The following CPNE9 variants were observed in gnomAD, a reference collection of about 807,000 sequenced individuals.
The protein encoded by CPNE9 is copine family member 9.
A neutral mutation model predicts 83.0 loss-of-function variants in CPNE9; 59 were observed. The ratio of observed to expected loss-of-function variants is 0.71; its 90% CI spans 0.58 to 0.88. The LOEUF is 0.88. Among genes scored for constraint, CPNE9 ranks in the 40% least tolerant of loss-of-function variants. The pLI, the probability that CPNE9 is intolerant of heterozygous loss-of-function variation, is 0.00. For synonymous variants in CPNE9, 256 were observed against 273.4 expected (o/e 0.94, Z 0.63); for missense variants, 619 against 720.8 (o/e 0.86, Z 1.62).
intron 17 of CPNE9, among the ~76,000 whole-genome samples, chr3:9,725,569 G>T (rs1379816399): frequency 2.7e-5 from 4 of 145,862 alleles, no homozygotes; most frequent in Middle Eastern, 3.6e-3. Context: ...TGTGTGTATG[G>T]ATATATATAT....
intron 19 of CPNE9, 135 bp downstream of exon 19, chr3:9,726,857 C>T: frequency 2.4e-6 from 2 of 826,206 alleles, no homozygotes; most frequent in Admixed American, 4.5e-5. Flanking sequence ...AGTCACAGAC[C>T]TTCTCTGAAC....
intron 7 of CPNE9, among the ~76,000 whole-genome samples, chr3:9,707,407 A>C (rs1296528023): frequency 6.6e-6 from 1 of 151,432 alleles, no homozygotes; most frequent in Non-Finnish European, 1.5e-5. Flanking sequence ...AGGTAGAAGC[A>C]GAGAGCCAAT....
chr3:9,724,475 C>G (rs943400779), intron 17 of CPNE9, among the ~76,000 whole-genome samples: 1 of 152,192 alleles, frequency 6.6e-6, no homozygotes, highest in African/African-American at 2.4e-5. Context: ...ACATCAAAAT[C>G]TTGCCAGGGG....
chr3:9,705,797 C>A, intron 6 of CPNE9, 77 bp downstream of exon 6: 1 of 1,511,866 alleles, frequency 6.6e-7, no homozygotes, highest in Non-Finnish European at 9.1e-7. Flanking sequence ...TGATGACCCA[C>A]TACAAGGCAG....
chr3:9,715,872 C>T, intron 13 of CPNE9, 102 bp from the exon 14 acceptor site: 3 of 958,096 alleles, frequency 3.1e-6, no homozygotes, highest in Admixed American at 2.1e-5. Flanking sequence ...AATCATGTGC[C>T]TCCCATCACG....
Position 9,729,752 on chromosome 3 carries a change from T to C in CPNE9, c.*60T>C, listed in dbSNP as rs1181734582. The C allele has an allele frequency of 7.8e-6, 12 of 1,535,138 alleles. No individual in the cohort carries two copies. The highest frequency in any genetic ancestry group is 1.4e-5 in the African/African-American group (1 of 73,488). On this transcript the variant is annotated 3_prime_UTR_variant, in exon 21 of 21. Coordinates refer to ENST00000383832, the MANE Select transcript of CPNE9 (RefSeq NM_153635.3). ...GCCTGCTCACCCACTGCTTCTGCTTTAAGCCAGAGGCACCTGGAACCCTGG... is the reference window on the plus strand; with the variant it reads ...GCCTGCTCACCCACTGCTTCTGCTTCAAGCCAGAGGCACCTGGAACCCTGG...
At chr3:9,725,449 C>T (rs1034710201) in intron 17 of CPNE9, among the ~76,000 whole-genome samples, 10 of 151,938 alleles carry the variant, frequency 6.6e-5, no homozygotes, top group African/African-American at 2.4e-4. Context: ...GCAGGAGGAT[C>T]ACCTGAGCCC....
At chr3:9,710,472 G>C (rs1442290403) in intron 7 of CPNE9, among the ~76,000 whole-genome samples, 2 of 152,212 alleles carry the variant, frequency 1.3e-5, no homozygotes, top group East Asian at 3.8e-4. Context: ...GAGGATGGGG[G>C]AGGAGGCTTT....
chr3:9,715,621 T>G lies in CPNE9; in HGVS notation c.822+95T>G. ...AAATATCGAGGGCAGGGCAAGACAG[T>G]GGGCACAGATTACTTGGAATAGTAA... On this transcript the variant is annotated intron_variant, in intron 13 of 20. Coordinates refer to ENST00000383832, the MANE Select transcript of CPNE9 (RefSeq NM_153635.3). 4 of 1,036,892 alleles carry G rather than the reference T, an allele frequency of 3.9e-6. No individual in the cohort carries two copies. The South Asian group carries it at 5.1e-5, about 13-fold the overall frequency. The allele number at this position is 1,036,892 out of a possible 1,614,324, so 64.2% of individuals were successfully genotyped here. A position where few individuals can be genotyped will look rare whatever the true frequency, so the allele number is the denominator to read the frequency against.
chr3:9,705,751 G>A (rs1196026809), intron 6 of CPNE9, 31 bp downstream of exon 6: 20 of 1,608,932 alleles, frequency 1.2e-5, no homozygotes, highest in East Asian at 4.5e-5. Flanking sequence ...GCAGAGGTTG[G>A]GGGTGGGGGT....
chr3:9,705,803 G>A lies in CPNE9; in HGVS notation c.300+83G>A. 2.7e-6 allele frequency: 4 copies of A among 1,490,912 alleles called. No homozygotes were observed. The South Asian group carries it at 3.5e-5, about 13-fold the overall frequency. The allele number at this position is 1,490,912 out of a possible 1,614,324, so 92.4% of individuals were successfully genotyped here. ...GGCTTGGACTGATGACCCACTACAA[G>A]GCAGAGATTGCTCGCAGACCCCTTC... On this transcript the variant is annotated intron_variant, in intron 6 of 20. Transcript: ENST00000383832.
chr3:9,716,681 A>G (rs1352832754), intron 14 of CPNE9, among the ~76,000 whole-genome samples: 1 of 152,206 alleles, frequency 6.6e-6, no homozygotes, highest in Non-Finnish European at 1.5e-5. Context: ...CATGTTGGTC[A>G]GGCTGGTCTC....
Position 9,704,603 on chromosome 3 carries a change from G to A in CPNE9, c.85G>A (p.Asp29Asn), listed in dbSNP as rs1319184183. The A allele has an allele frequency of 6.2e-7, 1 of 1,613,934 alleles. No individual in the cohort carries two copies. Among genetic ancestry groups the A allele is most frequent in the Non-Finnish European group, 8.5e-7 (1 of 1,179,918 alleles). ...TTTCTCTAGGAACCTGCTAGACCTT[G>A]ATACCTTCTCCAAGTCCGACCCCAG... Reference protein sequence around the residue: ...TVSCRNLLDLDTFSKSDPMVV... With the variant: ...TVSCRNLLDLNTFSKSDPMVV... Residue 29 changes from aspartate to asparagine, a missense_variant, in exon 2 of 21, where the codon GAT becomes AAT. Transcript: ENST00000383832. This position sits in a 1 kb window ranked among gnomAD's most constrained non-coding sequence, Gnocchi z 7.1.
At chr3:9,712,488 A>G in intron 7 of CPNE9, 53 bp from the exon 8 acceptor site, 1 of 1,492,592 alleles carries the variant, frequency 6.7e-7, no homozygotes, top group Admixed American at 1.7e-5. Flanking sequence ...TGGCCACTCA[A>G]TCCTTGTTGC....
Position 9,726,040 on chromosome 3 carries a change from G to A in CPNE9, c.1333G>A (p.Ala445Thr). The A allele has an allele frequency of 6.2e-7, 1 of 1,601,196 alleles. No individual in the cohort carries two copies. The stretch of plus-strand genomic sequence containing the variant: ...CTCTGACATGACGCAGACCAAGGAG[G>A]CCATCGTCAGCGTGAGTCTGAGGAG... ...VISDMTQTKE[A>T]IVSASSLPMS... is the part of the protein sequence containing the mutation. The change falls in exon 18 of 21, where the codon GCC becomes ACC. Residue 445 changes from alanine (A) to threonine (T), a missense_variant. This residue lies in a region of CPNE9 where 438 missense variants were observed against 562.9 expected (regional missense o/e 0.78). Transcript: ENST00000383832.
At chr3:9,712,053 A>G (rs74572462) in intron 7 of CPNE9, among the ~76,000 whole-genome samples, 2,325 of 152,182 alleles carry the variant, frequency 0.015, 51 homozygotes, top group African/African-American at 0.052. Context: ...CAGTTGCCCA[A>G]TTCATATCTA....
intron 7 of CPNE9, among the ~76,000 whole-genome samples, chr3:9,712,083 G>C (rs550072790): frequency 4.6e-5 from 7 of 152,298 alleles, no homozygotes; most frequent in Admixed American, 3.3e-4. Flanking sequence ...CCAGCATATA[G>C]TAAGAACCAG....
chr3:9,719,633 T>C (rs1283876320), intron 17 of CPNE9, among the ~76,000 whole-genome samples: 4 of 152,176 alleles, frequency 2.6e-5, no homozygotes, highest in Non-Finnish European at 4.4e-5. Flanking sequence ...GTCTGGCCCA[T>C]GGTACATGCT....
chr3:9,726,751 GACTAAGA>G (rs1252046873), intron 19 of CPNE9, 29 bp downstream of exon 19: 1 of 1,604,602 alleles, frequency 6.2e-7, no homozygotes, highest in Non-Finnish European at 8.5e-7. Context: ...CCCTGAGTGG[GACTAAGA>G]ACTAAGGAGA....
Sources: gnomAD v4.1 joint callset for allele counts (sites outside exome capture counted in the v4.1 genomes callset) on GRCh38, gnomAD v4.1.1 for gene constraint, gnomAD v4.1.1 regional missense constraint, Gnocchi (gnomAD v3.1) non-coding constraint, MANE v1.5 for transcripts, NCBI Gene and HGNC (gene_info 2026-07-23, HGNC 2026-07-21) for gene names.